PDE6B: variants seen among roughly 807,000 people sequenced by gnomAD.
PDE6B encodes rod cGMP-specific 3',5'-cyclic phosphodiesterase subunit beta.
PDE6B carries 106 observed loss-of-function variants against 109.0 expected under a neutral mutation model. That is an observed-to-expected ratio of 0.97 (90% confidence interval 0.83 to 1.14). The LOEUF is 1.14. Among genes scored for constraint, PDE6B ranks in the 50% most tolerant of loss-of-function variants. The probability of loss-of-function intolerance (pLI) is 0.00; values close to 1 mark genes in which losing one functional copy is unlikely to be tolerated. For synonymous variants in PDE6B, 490 were observed against 471.3 expected, an observed-to-expected ratio of 1.04 and a Z score of -0.51; for missense variants, 1,193 against 1,155.6, an observed-to-expected ratio of 1.03 and a Z score of -0.47.
Position 662,454 on chromosome 4 carries a change from A to C in PDE6B, c.1723-55A>C, listed in dbSNP as rs2109254716. On this transcript the variant is annotated intron_variant, in intron 13 of 21. Transcript: ENST00000496514. This position sits in a 1 kb window ranked among gnomAD's most constrained non-coding sequence, Gnocchi z 4.3. ...GCCTAGGTCATCCCAACCCCTCACC[A>C]CTCCCCACCCTGCTGGAGCCAGGAC... 5 of 1,257,338 alleles carry C rather than the reference A, an allele frequency of 4.0e-6. No individual in the cohort carries two copies. Among genetic ancestry groups the C allele is most frequent in the Non-Finnish European group, 5.8e-6 (5 of 856,824 alleles). The allele number at this position is 1,257,338 out of a possible 1,614,324, so 77.9% of individuals were successfully genotyped here. A position where few individuals can be genotyped will look rare whatever the true frequency, so the allele number is the denominator to read the frequency against.
At position 654,931 on chromosome 4, in the gene PDE6B, C is replaced by G. The variant is rs367717435; in HGVS notation, c.992+43C>G. ...CCAGAAGCGTCCCCGGGGGAGGGAC[C>G]GCCCCTCAGACCCCGGCTCAGCCCC... On this transcript the variant is annotated intron_variant, in intron 6 of 21. Coordinates refer to ENST00000496514, the MANE Select transcript of PDE6B (RefSeq NM_000283.4). 2.1e-5 allele frequency: 23 copies of G among 1,109,618 alleles called. No homozygotes were observed. The Admixed American group carries it at 3.7e-4, about 18-fold the overall frequency. 68.7% of individuals were successfully genotyped at this position (1,109,618 alleles called of 1,614,324 possible).
Position 663,835 on chromosome 4 carries a change from C to T in PDE6B, c.1986C>T (p.Ile662=), listed in dbSNP as rs1383796643. The change falls in exon 16 of 22, where the codon ATC becomes ATT. Residue 662 remains isoleucine (I), a synonymous_variant. Transcript: ENST00000496514. The surrounding 1 kb of genome is among the most constrained non-coding windows in gnomAD (Gnocchi z 4.0). ...QHEHVIHLMD[I]AIIATDLALY... The stretch of plus-strand genomic sequence containing the variant: ...AGCACGTGATCCACCTGATGGACAT[C>T]GCCATCATCGCCACGGACCTGGCCC... The T allele has an allele frequency of 6.2e-7, 1 of 1,611,970 alleles. No individual in the cohort carries two copies. Among genetic ancestry groups the T allele is most frequent in the South Asian group, 1.1e-5 (1 of 91,062 alleles).
chr4:626,574 G>A lies in PDE6B; in HGVS notation c.468+480G>A, dbSNP rs1734114910. On this transcript the variant is annotated intron_variant, in intron 1 of 21. Coordinates refer to ENST00000496514, the MANE Select transcript of PDE6B (RefSeq NM_000283.4). The surrounding 1 kb of genome is among the most constrained non-coding windows in gnomAD (Gnocchi z 4.6). ...GACGCCCACAGGGAGGGAGAGCCAG[G>A]GGAACCCCAAACTTCCACTGTGGCA... 6.6e-6 allele frequency among the ~76,000 whole-genome samples: 1 copy of A among 152,192 alleles called. No homozygotes were observed. The highest frequency in any genetic ancestry group is 1.5e-5 in the Non-Finnish European group (1 of 68,030).
intron 3 of PDE6B, among the ~76,000 whole-genome samples, chr4:646,556 C>T (rs549492310): frequency 2.0e-5 from 3 of 152,168 alleles, no homozygotes; most frequent in African/African-American, 7.2e-5. Flanking sequence ...ATGTCTTCTC[C>T]TTCGCTCTTT....
In PDE6B at chr4:654,367, G is replaced by A. The variant is rs76053478; in HGVS notation, c.927+213G>A. ...CAGGGCTGGTCCCTGAATGAGGGCCGCCAGGCTGGTCGTGAAGACCCACGT... is the reference window on the plus strand; with the variant it reads ...CAGGGCTGGTCCCTGAATGAGGGCCACCAGGCTGGTCGTGAAGACCCACGT... On this transcript the variant is annotated intron_variant, in intron 5 of 21. Transcript: ENST00000496514. 540 of 676,020 alleles carry A rather than the reference G, an allele frequency of 8.0e-4. 4 individuals are homozygous for A. In the East Asian group the frequency reaches 0.012, roughly 15 times the overall value. 41.9% of individuals were successfully genotyped at this position (676,020 alleles called of 1,614,324 possible). A position where few individuals can be genotyped will look rare whatever the true frequency, so the allele number is the denominator to read the frequency against.
chr4:650,715 G>A (rs1050927628), intron 3 of PDE6B, among the ~76,000 whole-genome samples: 3 of 152,162 alleles, frequency 2.0e-5, no homozygotes, highest in African/African-American at 7.2e-5. Flanking sequence ...AGGCGAGAAG[G>A]CTGGTTGGGG....
chr4:654,407 G>A, intron 5 of PDE6B: 4 of 638,488 alleles, frequency 6.3e-6, no homozygotes, highest in Non-Finnish European at 1.1e-5. Context: ...TCTGATTGTG[G>A]GGGCTCCTGC....
intron 1 of PDE6B, among the ~76,000 whole-genome samples, chr4:627,231 C>T (rs923353965): frequency 4.0e-5 from 6 of 151,804 alleles, no homozygotes; most frequent in African/African-American, 9.7e-5. Context: ...CTGCAACCTC[C>T]GTCTCCCACG....
At chr4:655,901 C>T in intron 6 of PDE6B, 39 bp from the exon 7 acceptor site, 3 of 1,292,214 alleles carry the variant, frequency 2.3e-6, no homozygotes, top group Non-Finnish European at 3.4e-6. Context: ...GCACATCCAG[C>T]CCGGCGTGGC....
At chr4:664,349 C>G in intron 17 of PDE6B, 128 bp downstream of exon 17, 3 of 710,640 alleles carry the variant, frequency 4.2e-6, no homozygotes, top group East Asian at 5.4e-5. Context: ...GGCAGCTTGT[C>G]GAGGGCTGTG....
intron 3 of PDE6B, among the ~76,000 whole-genome samples, chr4:649,181 G>A (rs1007648700): frequency 2.2e-4 from 34 of 152,218 alleles, no homozygotes; most frequent in Non-Finnish European, 8.8e-5. Flanking sequence ...GTGATCCTGG[G>A]TGTCTGTCGC....
At position 663,255 on chromosome 4, in the gene PDE6B, C is replaced by G. The variant is rs546720892; in HGVS notation, c.1920+68C>G. 1.1e-6 allele frequency: 1 copy of G among 902,326 alleles called. No individual in the cohort carries two copies. The allele number at this position is 902,326 out of a possible 1,614,324, so 55.9% of individuals were successfully genotyped here. A position where few individuals can be genotyped will look rare whatever the true frequency, so the allele number is the denominator to read the frequency against. ...CGCAGCGTCCGCAGGACGGCAGGGC[C>G]GTATCCTGCGGAGCAGGGTTCTGAT... On this transcript the variant is annotated intron_variant, in intron 15 of 21. Transcript: ENST00000496514. This position sits in a 1 kb window ranked among gnomAD's most constrained non-coding sequence, Gnocchi z 4.0.
chr4:654,237 T>C lies in PDE6B; in HGVS notation c.927+83T>C, dbSNP rs1560118847. The stretch of plus-strand genomic sequence containing the variant: ...AACTCCAGGGCAGGAGAGGGAGGGA[T>C]AGGGGTGGGGTTTAGGGAGGTGGGA... On this transcript the variant is annotated intron_variant, in intron 5 of 21. Transcript: ENST00000496514. The C allele has an allele frequency of 2.3e-6, 3 of 1,287,200 alleles. No homozygotes were observed. The South Asian group carries it at 3.7e-5, about 16-fold the overall frequency. The allele number at this position is 1,287,200 out of a possible 1,614,324, so 79.7% of individuals were successfully genotyped here.
rs936970707 is a variant in PDE6B at position 626,877 on chromosome 4, A to G, written c.468+783A>G. Among the ~76,000 whole-genome samples, 1 of 152,156 alleles carries G rather than the reference A, an allele frequency of 6.6e-6. No individual in the cohort carries two copies. The highest frequency in any genetic ancestry group is 1.5e-5 in the Non-Finnish European group (1 of 68,026). On this transcript the variant is annotated intron_variant, in intron 1 of 21. Coordinates refer to ENST00000496514, the MANE Select transcript of PDE6B (RefSeq NM_000283.4). This position sits in a 1 kb window ranked among gnomAD's most constrained non-coding sequence, Gnocchi z 4.6. ...ACTGGGTGAGGGCAGCGGCCAGCAG[A>G]GACCTGGAAAGGCCCTGAGGAGCTG...
chr4:667,409 C>G (rs1020033116), intron 20 of PDE6B, among the ~76,000 whole-genome samples: 2 of 152,180 alleles, frequency 1.3e-5, no homozygotes. Context: ...AGGTGCCCCC[C>G]ACTGCCTTCC....
intron 3 of PDE6B, among the ~76,000 whole-genome samples, chr4:643,339 C>T (rs946974513): frequency 6.6e-6 from 1 of 151,856 alleles, no homozygotes; most frequent in African/African-American, 2.4e-5. Context: ...ATTTTTGCAT[C>T]TATATTCATG....
intron 8 of PDE6B, 130 bp from the exon 9 acceptor site, chr4:656,744 G>C (rs1029648199): frequency 1.7e-5 from 13 of 772,006 alleles, no homozygotes; most frequent in Non-Finnish European, 2.7e-5. Context: ...AATGCAGAGA[G>C]CAGAGACAGG....
At chr4:657,303 G>C in intron 9 of PDE6B, 48 bp from the exon 10 acceptor site, 1 of 1,608,256 alleles carries the variant, frequency 6.2e-7, no homozygotes, top group South Asian at 1.1e-5. Context: ...ACATGGGAGG[G>C]GGCGCGCCGG....
chr4:638,375 T>G (rs140124903), intron 3 of PDE6B, among the ~76,000 whole-genome samples: 36 of 152,234 alleles, frequency 2.4e-4, no homozygotes, highest in African/African-American at 8.7e-4. Flanking sequence ...TCAGGTGGAG[T>G]GCAATAGTGA....
Sources: gnomAD v4.1 joint callset for allele counts (sites outside exome capture counted in the v4.1 genomes callset) on GRCh38, gnomAD v4.1.1 for gene constraint, Gnocchi (gnomAD v3.1) non-coding constraint, MANE v1.5 for transcripts, NCBI Gene and HGNC (gene_info 2026-07-23, HGNC 2026-07-21) for gene names.